Variants in PLPPR3 observed in about 807,000 individuals in gnomAD.
The protein encoded by PLPPR3 is phospholipid phosphatase related 3, also known as phospholipid phosphatase-related protein type 3.
PLPPR3 carries 14 observed loss-of-function variants against 27.3 expected under a neutral mutation model. The ratio of observed to expected loss-of-function variants is 0.51; its 90% CI spans 0.34 to 0.80. The LOEUF is 0.80. Among genes scored for constraint, PLPPR3 ranks in the 30% least tolerant of loss-of-function variants. PLPPR3 has a pLI of 0.01. For missense variants in PLPPR3, 1,287 were observed against 1,056.9 expected (o/e 1.22, Z -3.02); for synonymous variants, 671 against 508.0 (o/e 1.32, Z -4.32).
rs1470606509 is a variant in PLPPR3 at position 812,635 on chromosome 19, G to A, written c.2092C>T (p.Arg698Cys). 1 of 1,100,954 alleles carries A rather than the reference G, an allele frequency of 9.1e-7. No homozygotes were observed. The highest frequency in any genetic ancestry group is 1.1e-6 in the Non-Finnish European group (1 of 896,666). The allele number at this position is 1,100,954 out of a possible 1,614,324, so 68.2% of individuals were successfully genotyped here. The change falls in exon 8 of 8, where the codon CGC (arginine) becomes TGC (cysteine). Residue 698 changes from arginine (R) to cysteine (C), a missense_variant. Physicochemically the swap from Arg to Cys is radical, Grantham distance 180 (BLOSUM62 -3). Transcript: ENST00000520876. ...RHAGGLGLAE[R>C]EAEAEAEGYF... ...CCCTCGGCCTCCGCCTCCGCCTCGC[G>A]CTCCGCCAGCCCCAGGCCGCCCGCG... is the stretch of plus-strand genomic sequence containing the variant.
chr19:812,541 G>A lies in PLPPR3; in HGVS notation c.*29C>T, dbSNP rs2034938301. The A allele has an allele frequency of 1.6e-6, 1 of 617,396 alleles. No individual in the cohort carries two copies. Among genetic ancestry groups the A allele is most frequent in the Non-Finnish European group, 2.0e-6 (1 of 496,530 alleles). The allele number at this position is 617,396 out of a possible 1,614,324, so 38.2% of individuals were successfully genotyped here. Reference sequence around the variant, plus strand: ...GCGCGGCCGCCCGCGCCCTCGGCCCGCCCCCCGCCCGCCCCCGGCCCCGCC... The same window carrying A: ...GCGCGGCCGCCCGCGCCCTCGGCCCACCCCCCGCCCGCCCCCGGCCCCGCC... On this transcript the variant is annotated 3_prime_UTR_variant, in exon 8 of 8. Transcript: ENST00000520876.
chr19:813,110 G>A lies in PLPPR3; in HGVS notation c.1617C>T (p.Val539=). Residue 539 remains valine, a synonymous_variant, in exon 8 of 8, where the codon GTC becomes GTT. Transcript: ENST00000520876. This position sits in a 1 kb window ranked among gnomAD's most constrained non-coding sequence, Gnocchi z 4.1. ...CGCCCGGAGCCTTGGACATGGCGAT[G>A]ACCTGCAGCAGCCGCGGAGGGTTGG... is the stretch of plus-strand genomic sequence containing the variant. ...AVANPPRLLQ[V]IAMSKAPGAP... The A allele has an allele frequency of 8.7e-6, 13 of 1,502,760 alleles. No homozygotes were observed. Among genetic ancestry groups the A allele is most frequent in the Non-Finnish European group, 1.1e-5 (13 of 1,137,184 alleles). The allele number at this position is 1,502,760 out of a possible 1,614,324, so 93.1% of individuals were successfully genotyped here. A position where few individuals can be genotyped will look rare whatever the true frequency, so the allele number is the denominator to read the frequency against.
At chr19:822,583 G>A (rs548595776), upstream of PLPPR3, among the ~76,000 whole-genome samples, 1 of 152,158 alleles carries the variant, frequency 6.6e-6, no homozygotes, top group East Asian at 1.9e-4. Flanking sequence ...GGCCGCAGCC[G>A]CTCGGTGCGC....
chr19:815,858 G>C lies in PLPPR3; in HGVS notation c.76-7C>G, dbSNP rs562914345. The C allele has an allele frequency of 5.8e-5, 94 of 1,611,348 alleles. No individual in the cohort carries two copies. The highest frequency in any genetic ancestry group is 7.2e-5 in the Non-Finnish European group (85 of 1,179,162). On this transcript the variant is annotated splice_polypyrimidine_tract_variant and splice_region_variant and intron_variant, in intron 2 of 7. Transcript: ENST00000520876. The stretch of plus-strand genomic sequence containing the variant: ...AAGAAGCCACTATGGGCAGCTGTGG[G>C]GACAAGGTGGGCCAGGTTCACCCTG...
chr19:815,418 C>G lies in PLPPR3; in HGVS notation c.262-91G>C, dbSNP rs1222480038. ...CATCTGCAGTGCCCACAGGCTGGCA[C>G]AGGCCCCGGTGTGGATGTTCACCGA... On this transcript the variant is annotated intron_variant, in intron 3 of 7. Coordinates refer to ENST00000520876, the MANE Select transcript of PLPPR3 (RefSeq NM_001270366.2). 3 of 1,388,950 alleles carry G rather than the reference C, an allele frequency of 2.2e-6. No individual in the cohort carries two copies. In the Admixed American group the frequency reaches 7.6e-5, roughly 35 times the overall value. 86.0% of individuals were successfully genotyped at this position (1,388,950 alleles called of 1,614,324 possible).
At chr19:822,562 A>AC (rs2035165067), upstream of PLPPR3, among the ~76,000 whole-genome samples, 1 of 151,654 alleles carries the variant, frequency 6.6e-6, no homozygotes. Context: ...GCCGGGGTCC[A>AC]CCCTCCGCCT....
chr19:816,935 CCCATCCACCTATCCATCCACCCATCCAT>C (rs2035072368), intron 2 of PLPPR3, among the ~76,000 whole-genome samples: 1 of 149,726 alleles, frequency 6.7e-6, no homozygotes, highest in Non-Finnish European at 1.5e-5. Flanking sequence ...CACCCACCCA[CCCATCCACCTATCCATCCACCCATCCAT>C]CCATTGATCA....
upstream of PLPPR3, among the ~76,000 whole-genome samples, chr19:822,231 T>C (rs351099): frequency 0.057 from 8,606 of 150,070 alleles, 779 homozygotes; most frequent in African/African-American, 0.2. Flanking sequence ...GCGGTGACGG[T>C]CCCGTCCTCC....
intron 2 of PLPPR3, among the ~76,000 whole-genome samples, chr19:818,336 T>C (rs991006969): frequency 2.0e-5 from 3 of 151,890 alleles, no homozygotes; most frequent in South Asian, 2.1e-4. Flanking sequence ...TGAGCTGACA[T>C]TGTTCCACTG....
Position 813,046 on chromosome 19 carries a change from T to C in PLPPR3, c.1681A>G (p.Ser561Gly). 2 of 1,511,330 alleles carry C rather than the reference T, an allele frequency of 1.3e-6. No individual in the cohort carries two copies. Among genetic ancestry groups the C allele is most frequent in the East Asian group, 2.6e-5 (1 of 37,736 alleles). The allele number at this position is 1,511,330 out of a possible 1,614,324, so 93.6% of individuals were successfully genotyped here. A position where few individuals can be genotyped will look rare whatever the true frequency, so the allele number is the denominator to read the frequency against. The change falls in exon 8 of 8, where the codon AGC (serine) becomes GGC (glycine). Residue 561 changes from serine to glycine, a missense_variant. Ser to Gly is a moderately conservative substitution (Grantham distance 56, BLOSUM62 0). Transcript: ENST00000520876. This position sits in a 1 kb window ranked among gnomAD's most constrained non-coding sequence, Gnocchi z 4.1. ...TACTGCGAGGAGTCGGAGCTGGCGCTGGACGACGACGCCGTCTCGGCCGCC... is the reference window on the plus strand; with the variant it reads ...TACTGCGAGGAGTCGGAGCTGGCGCCGGACGACGACGCCGTCTCGGCCGCC... ...PKAAETASSS[S>G]ASSDSSQYRS... is the part of the protein sequence containing the mutation.
chr19:817,549 C>G (rs1381498145), intron 2 of PLPPR3, among the ~76,000 whole-genome samples: 2 of 152,192 alleles, frequency 1.3e-5, no homozygotes, highest in South Asian at 2.1e-4. Context: ...GCTGGGATTA[C>G]AGGCATGAGT....
intron 2 of PLPPR3, among the ~76,000 whole-genome samples, chr19:818,874 G>T (rs944777179): frequency 1.3e-5 from 2 of 151,090 alleles, no homozygotes; most frequent in Non-Finnish European, 2.9e-5. Context: ...GCTCAGGCTA[G>T]CCTTGAACTC....
chr19:813,112 C>G lies in PLPPR3; in HGVS notation c.1615G>C (p.Val539Leu). ...AVANPPRLLQ[V>L]IAMSKAPGAP... is the part of the protein sequence containing the mutation. The stretch of plus-strand genomic sequence containing the variant: ...CCCGGAGCCTTGGACATGGCGATGA[C>G]CTGCAGCAGCCGCGGAGGGTTGGCC... The change falls in exon 8 of 8, where the codon GTC (valine) becomes CTC (leucine). Residue 539 changes from valine (V) to leucine (L), a missense_variant. Transcript: ENST00000520876. This position sits in a 1 kb window ranked among gnomAD's most constrained non-coding sequence, Gnocchi z 4.1. 6.7e-7 allele frequency: 1 copy of G among 1,502,348 alleles called. No individual in the cohort carries two copies. Among genetic ancestry groups the G allele is most frequent in the Admixed American group, 2.2e-5 (1 of 44,586 alleles). The allele number at this position is 1,502,348 out of a possible 1,614,324, so 93.1% of individuals were successfully genotyped here.
chr19:821,616 G>T lies in PLPPR3; in HGVS notation c.-26-31C>A, dbSNP rs1325691036. ...GGGGAGAAAGCGGCGCTGGAGGGGG[G>T]CGCGCAGGCGGAGCCCGGGGGAGAC... On this transcript the variant is annotated intron_variant, in intron 1 of 7. Coordinates refer to ENST00000520876, the MANE Select transcript of PLPPR3 (RefSeq NM_001270366.2). 21 of 1,353,832 alleles carry T rather than the reference G, an allele frequency of 1.6e-5. No homozygotes were observed. The Admixed American group carries it at 4.5e-4, about 29-fold the overall frequency. The allele number at this position is 1,353,832 out of a possible 1,614,324, so 83.9% of individuals were successfully genotyped here.
Position 814,031 on chromosome 19 carries a change from C to A in PLPPR3, c.832-136G>T, listed in dbSNP as rs1333120410. ...TCTTGTCCAGTGGGACCGGTTCCCA[C>A]CCCAAGGTTGCTGACCCAGCACATC... On this transcript the variant is annotated intron_variant, in intron 7 of 7. Transcript: ENST00000520876. The A allele has an allele frequency of 4.8e-6, 4 of 831,164 alleles. No individual in the cohort carries two copies. The South Asian group carries it at 7.8e-5, about 16-fold the overall frequency. 51.5% of individuals were successfully genotyped at this position (831,164 alleles called of 1,614,324 possible).
chr19:815,825 T>A lies in PLPPR3; in HGVS notation c.102A>T (p.Val34=). The part of the protein sequence containing the change: ...VELPIVASSI[V]SLYFLELTDL... ...CGGTCAGCTCCAGGAAGTACAAGGA[T>A]ACGATGGAAGAAGCCACTATGGGCA... The change falls in exon 3 of 8, where the codon GTA becomes GTT. Residue 34 remains valine (V), a synonymous_variant. Transcript: ENST00000520876. 2 of 1,612,670 alleles carry A rather than the reference T, an allele frequency of 1.2e-6. No individual in the cohort carries two copies. The highest frequency in any genetic ancestry group is 8.5e-7 in the Non-Finnish European group (1 of 1,179,838).
At position 817,418 on chromosome 19, in the gene PLPPR3, G is replaced by A. The variant is rs149853509; in HGVS notation, c.76-1567C>T. ...CCTCCAAGTAGCTGGAATTACAAGC[G>A]TGCACTACCACACCTGGCTAATTTT... On this transcript the variant is annotated intron_variant, in intron 2 of 7. Transcript: ENST00000520876. Among the ~76,000 whole-genome samples the A allele has an allele frequency of 2.5e-3, 374 of 152,106 alleles. 1 individual carries two copies. Among genetic ancestry groups the A allele is most frequent in the Middle Eastern group, 6.8e-3 (2 of 292 alleles).
rs1394933700 is a variant in PLPPR3, at chr19:813,267, C to A, written c.1460G>T (p.Arg487Leu). The change falls in exon 8 of 8, where the codon CGC becomes CTC. Residue 487 changes from arginine (R) to leucine (L), a missense_variant. By Grantham distance (102) the Arg-to-Leu change is moderately radical. Coordinates refer to ENST00000520876, the MANE Select transcript of PLPPR3 (RefSeq NM_001270366.2). This position sits in a 1 kb window ranked among gnomAD's most constrained non-coding sequence, Gnocchi z 4.1. ...GLGPRVILPP[R>L]AGPPPLVHIP... is the part of the protein sequence containing the mutation. ...GTGCACCAGCGGCGGCGGCCCCGCG[C>A]GCGGTGGGAGGATGACCCGAGGCCC... 9 of 1,472,688 alleles carry A rather than the reference C, an allele frequency of 6.1e-6. No individual in the cohort carries two copies. The South Asian group carries it at 1.2e-4, about 19-fold the overall frequency. The allele number at this position is 1,472,688 out of a possible 1,614,324, so 91.2% of individuals were successfully genotyped here. A position where few individuals can be genotyped will look rare whatever the true frequency, so the allele number is the denominator to read the frequency against.
chr19:823,460 A>C (rs556366296), upstream of PLPPR3, among the ~76,000 whole-genome samples: 557 of 147,774 alleles, frequency 3.8e-3, 7 homozygotes, highest in African/African-American at 0.013. Context: ...AAAAAAAAAC[A>C]AACAAACAGT....
Sources: allele counts gnomAD v4.1 joint callset (sites outside exome capture counted in the v4.1 genomes callset), GRCh38; gene constraint gnomAD v4.1.1; non-coding constraint Gnocchi (gnomAD v3.1); transcripts MANE v1.5; gene names NCBI Gene and HGNC (gene_info 2026-07-23, HGNC 2026-07-21).